Variants in SDK1 observed in about 807,000 individuals in gnomAD.
SDK1 encodes the protein protein sidekick-1.
Under a neutral mutation model 245.5 loss-of-function variants are expected in SDK1, and 157 were observed. The ratio of observed to expected loss-of-function variants is 0.64; its 90% CI spans 0.56 to 0.73. The LOEUF is 0.73. SDK1 is among the 30% of genes least tolerant of loss of function. The pLI is 0.00. For missense variants in SDK1, 3,583 were observed against 3,002.3 expected (o/e 1.19, Z -4.52); for synonymous variants, 1,647 against 1,278.5 (o/e 1.29, Z -6.15).
chr7:3,995,512 C>T (rs1262576122), intron 14 of SDK1, among the ~76,000 whole-genome samples: 1 of 152,214 alleles, frequency 6.6e-6, no homozygotes, highest in African/African-American at 2.4e-5. Context: ...CTCAGCAGTG[C>T]TGAATCAACC....
intron 31 of SDK1, 77 bp from the exon 32 acceptor site, chr7:4,161,709 A>G: frequency 8.3e-7 from 1 of 1,209,092 alleles, no homozygotes; most frequent in Non-Finnish European, 1.2e-6. Context: ...CCCCATACTC[A>G]CTGAGGGTGG....
At chr7:3,714,236 G>T (rs1481883139) in intron 4 of SDK1, among the ~76,000 whole-genome samples, 1 of 152,130 alleles carries the variant, frequency 6.6e-6, no homozygotes, top group Non-Finnish European at 1.5e-5. Context: ...AGGAGGTAGA[G>T]GCCTTGATCA....
chr7:3,863,560 C>G (rs1229341874), intron 5 of SDK1, among the ~76,000 whole-genome samples: 1 of 152,222 alleles, frequency 6.6e-6, no homozygotes, highest in Non-Finnish European at 1.5e-5. Flanking sequence ...AAACGCTGCA[C>G]TCATTACACC....
chr7:3,421,182 C>T (rs1419177807), intron 1 of SDK1, among the ~76,000 whole-genome samples: 1 of 150,918 alleles, frequency 6.6e-6, no homozygotes, highest in Non-Finnish European at 1.5e-5. Flanking sequence ...AGTGATTCTC[C>T]TGCCTGAGCC....
chr7:3,302,071 G>T (rs1010801730), intron 1 of SDK1, among the ~76,000 whole-genome samples, 187 bp downstream of exon 1: 2 of 152,026 alleles, frequency 1.3e-5, no homozygotes, highest in Non-Finnish European at 2.9e-5. Flanking sequence ...ACGGAGCCCC[G>T]TAGAGCCTGC....
At chr7:4,142,462 G>A (rs1467843406) in intron 28 of SDK1, among the ~76,000 whole-genome samples, 1 of 152,116 alleles carries the variant, frequency 6.6e-6, no homozygotes, top group African/African-American at 2.4e-5. Flanking sequence ...CTGAGTAGCT[G>A]GGATTACAAG....
At chr7:3,625,259 A>C (rs1302352070) in intron 2 of SDK1, among the ~76,000 whole-genome samples, 2 of 152,226 alleles carry the variant, frequency 1.3e-5, no homozygotes, top group African/African-American at 4.8e-5. Context: ...GAGAAACTTC[A>C]TCAGAAACCG....
chr7:3,679,047 C>T (rs1037542968), intron 4 of SDK1, among the ~76,000 whole-genome samples: 2 of 152,116 alleles, frequency 1.3e-5, no homozygotes, highest in Non-Finnish European at 2.9e-5. Flanking sequence ...GATTAGTGAA[C>T]AATTTTTAGC....
At chr7:3,380,781 C>G (rs904854563) in intron 1 of SDK1, among the ~76,000 whole-genome samples, 1 of 152,030 alleles carries the variant, frequency 6.6e-6, no homozygotes, top group Non-Finnish European at 1.5e-5. Context: ...GTGATTCAGG[C>G]GAAAGGGAAG....
chr7:4,098,357 T>C (rs1199501406), intron 22 of SDK1, among the ~76,000 whole-genome samples: 1 of 152,230 alleles, frequency 6.6e-6, no homozygotes, highest in Non-Finnish European at 1.5e-5. Context: ...ATGAGACTCA[T>C]ATTTCCCCGT....
intron 44 of SDK1, among the ~76,000 whole-genome samples, chr7:4,254,312 T>C (rs1365880915): frequency 1.3e-5 from 2 of 152,186 alleles, no homozygotes; most frequent in African/African-American, 4.8e-5. Flanking sequence ...TGTCCATTTT[T>C]AAAAGTCTTT....
At chr7:4,183,876 A>T (rs553625907) in intron 35 of SDK1, among the ~76,000 whole-genome samples, 2 of 152,066 alleles carry the variant, frequency 1.3e-5, no homozygotes, top group South Asian at 2.1e-4. Flanking sequence ...CACCCATCAG[A>T]TGTGGCTTGG....
chr7:3,516,116 TTC>T (rs1267892861), intron 1 of SDK1, among the ~76,000 whole-genome samples: 4 of 125,490 alleles, frequency 3.2e-5, no homozygotes, highest in South Asian at 2.7e-4. Context: ...AGAAGATATT[TTC>T]TTTTTTTTTT....
chr7:3,495,679 C>A (rs139610709), intron 1 of SDK1, among the ~76,000 whole-genome samples: 10 of 152,350 alleles, frequency 6.6e-5, no homozygotes, highest in South Asian at 4.1e-4. Flanking sequence ...ACCAACTACT[C>A]CGTGTGGTTC....
intron 4 of SDK1, among the ~76,000 whole-genome samples, chr7:3,728,726 C>T (rs567700051): frequency 2.6e-5 from 4 of 152,324 alleles, no homozygotes; most frequent in Admixed American, 2.6e-4. Flanking sequence ...CTGCCTCAGC[C>T]TCCCAAGTAG....
Position 3,335,894 on chromosome 7 carries a change from A to G in SDK1, c.298+34010A>G, listed in dbSNP as rs559121154. On this transcript the variant is annotated intron_variant, in intron 1 of 44. Coordinates refer to ENST00000404826, the MANE Select transcript of SDK1 (RefSeq NM_152744.4). ...AGGACTCAAAATCCCTGGACTTCAT[A>G]TAACAAAGAAGCATAGGAAGATGCT... Among the ~76,000 whole-genome samples, 5 of 152,298 alleles carry G rather than the reference A, an allele frequency of 3.3e-5. No homozygotes were observed. The East Asian group carries it at 7.7e-4, about 24-fold the overall frequency.
intron 17 of SDK1, among the ~76,000 whole-genome samples, chr7:4,046,815 C>G (rs943260661): frequency 2.8e-5 from 4 of 141,078 alleles, no homozygotes; most frequent in Non-Finnish European, 6.0e-5. Context: ...AGATATCTAG[C>G]TGTGATTTTT....
intron 4 of SDK1, among the ~76,000 whole-genome samples, chr7:3,753,838 G>A (rs370667927): frequency 6.6e-6 from 1 of 152,074 alleles, no homozygotes. Flanking sequence ...TGAATACTTG[G>A]TATTACTGTC....
intron 4 of SDK1, among the ~76,000 whole-genome samples, chr7:3,668,095 A>G (rs28712054): frequency 0.37 from 56,368 of 152,036 alleles, 11,430 homozygotes; most frequent in African/African-American, 0.53. Context: ...GAGGTAGGGG[A>G]CAGAGGGATA....
Sources: gnomAD v4.1 joint callset for allele counts (sites outside exome capture counted in the v4.1 genomes callset) on GRCh38, gnomAD v4.1.1 for gene constraint, MANE v1.5 for transcripts, NCBI Gene and HGNC (gene_info 2026-07-23, HGNC 2026-07-21) for gene names.